ADAMTSL1: variants seen among roughly 807,000 people sequenced by gnomAD.
ADAMTSL1 encodes ADAMTS like 1.
ADAMTSL1 carries 126 observed loss-of-function variants against 201.8 expected under a neutral mutation model. The ratio of observed to expected loss-of-function variants is 0.62; its 90% CI spans 0.54 to 0.72. The LOEUF (loss-of-function observed/expected upper bound fraction) is 0.72. ADAMTSL1 is among the 30% of genes least tolerant of loss of function. ADAMTSL1 has a pLI of 0.00. For synonymous variants in ADAMTSL1, 1,121 were observed against 903.4 expected, an observed-to-expected ratio of 1.24 and a Z score of -4.32; for missense variants, 2,679 against 2,277.8, an observed-to-expected ratio of 1.18 and a Z score of -3.59.
chr9:18,439,729 C>G (rs1819914343), intron 2 of ADAMTSL1, among the ~76,000 whole-genome samples: 1 of 152,038 alleles, frequency 6.6e-6, no homozygotes, highest in Non-Finnish European at 1.5e-5. Context: ...TATTCTCAGA[C>G]TCTAATGTAG....
intron 2 of ADAMTSL1, among the ~76,000 whole-genome samples, chr9:18,517,885 T>C (rs1818459032): frequency 6.6e-6 from 1 of 152,218 alleles, no homozygotes; most frequent in Non-Finnish European, 1.5e-5. Flanking sequence ...ATCAGGTTTC[T>C]TGTAGAACAG....
chr9:18,325,912 T>C (rs1162854819), intron 2 of ADAMTSL1, among the ~76,000 whole-genome samples: 1 of 152,180 alleles, frequency 6.6e-6, no homozygotes, highest in Non-Finnish European at 1.5e-5. Context: ...GGCTAATTTT[T>C]GTGTTTTTAG....
chr9:18,523,310 T>C (rs1818819584), intron 2 of ADAMTSL1, among the ~76,000 whole-genome samples: 1 of 152,226 alleles, frequency 6.6e-6, no homozygotes, highest in African/African-American at 2.4e-5. Flanking sequence ...CTTGTAAATT[T>C]GTTTGAATTC....
chr9:18,514,858 T>G (rs1818270794), intron 2 of ADAMTSL1, among the ~76,000 whole-genome samples: 2 of 152,224 alleles, frequency 1.3e-5, no homozygotes, highest in Non-Finnish European at 2.9e-5. Context: ...CAACTTTGCC[T>G]TGTTCCTGAT....
intron 1 of ADAMTSL1, among the ~76,000 whole-genome samples, chr9:18,073,963 CTTG>C (rs1459773416): frequency 3.6e-5 from 5 of 137,564 alleles, no homozygotes; most frequent in African/African-American, 1.4e-4. Context: ...TGTTTCATGC[CTTG>C]TTGTAAAACT....
In ADAMTSL1 at chr9:18,889,748, G is replaced by A. The variant is rs753552382; in HGVS notation, c.4643G>A (p.Arg1548Gln). The A allele has an allele frequency of 1.1e-5, 16 of 1,499,116 alleles. No homozygotes were observed. Among genetic ancestry groups the A allele is most frequent in the African/African-American group, 2.8e-5 (2 of 70,316 alleles). 92.9% of individuals were successfully genotyped at this position (1,499,116 alleles called of 1,614,324 possible). Residue 1548 changes from arginine (R) to glutamine (Q), a missense_variant and splice_region_variant, in exon 25 of 29, where the codon CGG (arginine) becomes CAG (glutamine). Transcript: ENST00000380548. ...IACNRRDCPSRWMVTSWSACT... is the reference protein window; with the variant it reads ...IACNRRDCPSQWMVTSWSACT... ...TGCAACCGGAGAGACTGCCCTTCTCGGTGAGTGCAGCGGACACTGGCTCAG... is the reference window on the plus strand; with the variant it reads ...TGCAACCGGAGAGACTGCCCTTCTCAGTGAGTGCAGCGGACACTGGCTCAG...
At chr9:18,497,998 G>T (rs1457284649) in intron 1 of ADAMTSL1, among the ~76,000 whole-genome samples, 1 of 152,142 alleles carries the variant, frequency 6.6e-6, no homozygotes, top group African/African-American at 2.4e-5. Flanking sequence ...GTTGTCCCAG[G>T]ACGAGAAGGA....
chr9:18,760,863 C>T (rs1211637278), intron 16 of ADAMTSL1, among the ~76,000 whole-genome samples: 1 of 152,242 alleles, frequency 6.6e-6, no homozygotes, highest in Non-Finnish European at 1.5e-5. Flanking sequence ...GCTCATGTGT[C>T]ACTGCTGTCT....
chr9:18,743,632 G>A (rs1170909546), intron 15 of ADAMTSL1, among the ~76,000 whole-genome samples: 1 of 152,168 alleles, frequency 6.6e-6, no homozygotes, highest in East Asian at 1.9e-4. Context: ...CAGCGTGCAG[G>A]CAGACTTCCA....
chr9:18,811,830 A>G (rs532046814), intron 20 of ADAMTSL1, among the ~76,000 whole-genome samples: 5 of 152,246 alleles, frequency 3.3e-5, no homozygotes, highest in African/African-American at 7.2e-5. Flanking sequence ...CCCTATTTGC[A>G]GATGAAATGA....
At chr9:18,249,421 G>T (rs1831381367) in intron 2 of ADAMTSL1, among the ~76,000 whole-genome samples, 1 of 152,148 alleles carries the variant, frequency 6.6e-6, no homozygotes, top group South Asian at 2.1e-4. Context: ...AACCTACAGA[G>T]AGGGACATTA....
In ADAMTSL1 at chr9:18,887,843, A is replaced by G. The variant is rs1192979030; in HGVS notation, c.4262A>G (p.Lys1421Arg). 2 of 1,613,752 alleles carry G rather than the reference A, an allele frequency of 1.2e-6. No individual in the cohort carries two copies. The highest frequency in any genetic ancestry group is 1.7e-5 in the Admixed American group (1 of 59,988). ...GNSALLGCPI[K>R]GHPVPNITWF... is the part of the protein sequence containing the mutation. ...CCTCTCCTTCTAGGCTGCCCCATCA[A>G]AGGTCACCCTGTCCCTAATATCACC... The change falls in exon 24 of 29, where the codon AAA becomes AGA. Residue 1421 changes from lysine to arginine, a missense_variant. By Grantham distance (26) the Lys-to-Arg change is conservative. Coordinates refer to ENST00000380548, the MANE Select transcript of ADAMTSL1 (RefSeq NM_001040272.6).
intron 2 of ADAMTSL1, among the ~76,000 whole-genome samples, chr9:18,328,304 T>C (rs979636120): frequency 2.0e-5 from 3 of 152,226 alleles, no homozygotes; most frequent in Non-Finnish European, 4.4e-5. Context: ...CTGCCTGTTA[T>C]AACTCTTAAC....
intron 1 of ADAMTSL1, among the ~76,000 whole-genome samples, chr9:18,066,218 T>G (rs550707365): frequency 5.6e-4 from 86 of 152,220 alleles, no homozygotes; most frequent in African/African-American, 2.0e-3. Context: ...TCCCAAGTCT[T>G]GGGAAATGCT....
intron 1 of ADAMTSL1, among the ~76,000 whole-genome samples, chr9:17,919,203 G>A (rs1826211664): frequency 6.6e-6 from 1 of 150,878 alleles, no homozygotes; most frequent in African/African-American, 2.4e-5. Flanking sequence ...ATATGTTGTA[G>A]TGGCAATAGT....
chr9:18,118,048 G>T (rs150809071), intron 1 of ADAMTSL1, among the ~76,000 whole-genome samples: 48 of 152,244 alleles, frequency 3.2e-4, no homozygotes, highest in African/African-American at 1.1e-3. Flanking sequence ...TGAATGTATT[G>T]TTATCTGAAG....
intron 2 of ADAMTSL1, among the ~76,000 whole-genome samples, chr9:18,175,712 A>G (rs1828115943): frequency 6.6e-6 from 1 of 152,100 alleles, no homozygotes; most frequent in African/African-American, 2.4e-5. Flanking sequence ...TACCTGCTCC[A>G]GGAAGCCAGC....
At chr9:18,243,719 C>G (rs1322362394) in intron 2 of ADAMTSL1, among the ~76,000 whole-genome samples, 1 of 151,796 alleles carries the variant, frequency 6.6e-6, no homozygotes, top group East Asian at 1.9e-4. Context: ...TTTTTCCAGT[C>G]AAGACTTTCA....
At chr9:18,547,927 A>G (rs149252522) in intron 3 of ADAMTSL1, among the ~76,000 whole-genome samples, 176 of 152,118 alleles carry the variant, frequency 1.2e-3, no homozygotes, top group Middle Eastern at 6.8e-3. Context: ...GAAAACAAAC[A>G]GCTTTTCACT....
Sources: gnomAD v4.1 joint callset for allele counts (sites outside exome capture counted in the v4.1 genomes callset) on GRCh38, gnomAD v4.1.1 for gene constraint, MANE v1.5 for transcripts, NCBI Gene and HGNC (gene_info 2026-07-23, HGNC 2026-07-21) for gene names.